CNBD1: variants seen among roughly 807,000 people sequenced by gnomAD.
CNBD1 encodes the protein cyclic nucleotide-binding domain-containing protein 1.
A neutral mutation model predicts 54.4 loss-of-function variants in CNBD1; 71 were observed. The observed-to-expected ratio is 1.30, with a 90% CI of 1.08 to 1.59. The LOEUF (loss-of-function observed/expected upper bound fraction) is 1.59. CNBD1 is among the 40% of genes most tolerant of loss of function. The pLI is 0.00. For synonymous variants in CNBD1, 182 were observed against 170.7 expected (o/e 1.07, Z -0.51); for missense variants, 659 against 518.0 (o/e 1.27, Z -2.64).
At position 86,920,487 on chromosome 8, in the gene CNBD1, C is replaced by T. The variant is rs187786109; in HGVS notation, c.272+15293C>T. Among the ~76,000 whole-genome samples the T allele has an allele frequency of 1.5e-3, 228 of 152,262 alleles. No homozygotes were observed. The Middle Eastern group carries it at 0.017, about 11-fold the overall frequency. On this transcript the variant is annotated intron_variant, in intron 3 of 10. Coordinates refer to ENST00000518476, the MANE Select transcript of CNBD1 (RefSeq NM_173538.3). The stretch of plus-strand genomic sequence containing the variant: ...GCTATGGCCACCACTATACCACCAA[C>T]ACAGAACTTAATAATTTGAACAGAG...
chr8:87,051,380 C>T (rs114842552), intron 4 of CNBD1, among the ~76,000 whole-genome samples: 1 of 152,222 alleles, frequency 6.6e-6, no homozygotes, highest in African/African-American at 2.4e-5. Context: ...GGATCTTTGC[C>T]AAGACCAGCT....
chr8:86,940,158 G>T (rs866264321), intron 4 of CNBD1, among the ~76,000 whole-genome samples: 80 of 117,606 alleles, frequency 6.8e-4, no homozygotes, highest in Admixed American at 1.1e-3. Flanking sequence ...TTTTGAGACT[G>T]TTGCTCTTGT....
intron 4 of CNBD1, among the ~76,000 whole-genome samples, chr8:87,169,602 G>C (rs1813043445): frequency 6.6e-6 from 1 of 152,032 alleles, no homozygotes; most frequent in African/African-American, 2.4e-5. Flanking sequence ...AGATTTAGGA[G>C]TCTAATTTCA....
At chr8:86,917,141 C>CA (rs997312858) in intron 3 of CNBD1, among the ~76,000 whole-genome samples, 18 of 132,042 alleles carry the variant, frequency 1.4e-4, no homozygotes, top group African/African-American at 4.7e-4. Context: ...GACTCTGTCT[C>CA]AAAAAAGAAA....
intron 4 of CNBD1, among the ~76,000 whole-genome samples, chr8:86,962,644 G>A (rs1372668625): frequency 6.6e-6 from 1 of 152,048 alleles, no homozygotes; most frequent in Non-Finnish European, 1.5e-5. Context: ...AACTTAGCTG[G>A]GTGTGATGGC....
At chr8:87,002,925 T>C (rs540070420) in intron 4 of CNBD1, among the ~76,000 whole-genome samples, 1 of 152,184 alleles carries the variant, frequency 6.6e-6, no homozygotes, top group Non-Finnish European at 1.5e-5. Flanking sequence ...TGTAAAAAAA[T>C]ATTTATTGAC....
chr8:87,261,580 A>G (rs1808141818), intron 6 of CNBD1, among the ~76,000 whole-genome samples: 1 of 151,650 alleles, frequency 6.6e-6, no homozygotes, highest in Admixed American at 6.6e-5. Flanking sequence ...GCAGTGAGGT[A>G]CAGAAACAAC....
At chr8:87,120,925 T>C (rs1811876783) in intron 4 of CNBD1, among the ~76,000 whole-genome samples, 1 of 151,998 alleles carries the variant, frequency 6.6e-6, no homozygotes, top group East Asian at 1.9e-4. Context: ...GGCACATACA[T>C]CAGTTGGCAA....
chr8:87,051,033 TAAAG>T lies in CNBD1; in HGVS notation c.431+111281_431+111284del, dbSNP rs534400360. ...AATATTGGTTTCCACTAAGAGGAGA[TAAAG>T]AGTTTGTTCTGAAGCCATTAGGATG... On this transcript the variant is annotated intron_variant, in intron 4 of 10. Transcript: ENST00000518476. Among the ~76,000 whole-genome samples, 13 of 152,272 alleles carry T rather than the reference TAAAG, an allele frequency of 8.5e-5. No homozygotes were observed. In the South Asian group the frequency reaches 2.3e-3, roughly 27 times the overall value.
At chr8:87,381,283 A>C (rs528350408) in intron 10 of CNBD1, among the ~76,000 whole-genome samples, 2 of 152,208 alleles carry the variant, frequency 1.3e-5, no homozygotes, top group East Asian at 3.9e-4. Context: ...GTATTTTTAA[A>C]ATGTCCAATG....
intron 2 of CNBD1, among the ~76,000 whole-genome samples, chr8:87,395,725 T>G (rs1320678074): frequency 3.9e-5 from 6 of 151,942 alleles, no homozygotes; most frequent in Admixed American, 2.6e-4. Context: ...TGATATGGTA[T>G]GGCTGTATCC....
At chr8:87,251,606 A>AG in intron 6 of CNBD1, among the ~76,000 whole-genome samples, 1 of 151,508 alleles carries the variant, frequency 6.6e-6, no homozygotes, top group Non-Finnish European at 1.5e-5. Flanking sequence ...AAAAAAAAAA[A>AG]AAAAGAACAA....
chr8:87,304,246 A>T (rs1343659953), intron 8 of CNBD1, among the ~76,000 whole-genome samples: 1 of 152,070 alleles, frequency 6.6e-6, no homozygotes, highest in Non-Finnish European at 1.5e-5. Context: ...CAAATGTCCA[A>T]CAATGATAGA....
chr8:87,390,566 G>A (rs747962218), intron 2 of CNBD1, among the ~76,000 whole-genome samples: 15 of 152,114 alleles, frequency 9.9e-5, no homozygotes, highest in Admixed American at 8.5e-4. Flanking sequence ...AGTTAGAATG[G>A]CGATCATTAA....
chr8:87,158,690 G>T (rs2130756852), intron 4 of CNBD1, among the ~76,000 whole-genome samples: 1 of 152,228 alleles, frequency 6.6e-6, no homozygotes, highest in South Asian at 2.1e-4. Flanking sequence ...TGGTCTTACA[G>T]CAAAGTAATG....
intron 5 of CNBD1, among the ~76,000 whole-genome samples, chr8:87,211,704 C>T (rs889681989): frequency 2.0e-5 from 3 of 152,142 alleles, no homozygotes; most frequent in African/African-American, 7.2e-5. Flanking sequence ...TTGAGGCTTC[C>T]TCAGAAGCTG....
intron 2 of CNBD1, among the ~76,000 whole-genome samples, chr8:87,388,885 C>T (rs190532248): frequency 8.5e-5 from 13 of 152,270 alleles, no homozygotes; most frequent in Admixed American, 7.9e-4. Context: ...AGCAGCACAT[C>T]AAAAAGCTTA....
intron 3 of CNBD1, among the ~76,000 whole-genome samples, chr8:86,909,581 G>T (rs753651527): frequency 6.6e-6 from 1 of 151,946 alleles, no homozygotes; most frequent in African/African-American, 2.4e-5. Flanking sequence ...CAACGTGCAG[G>T]TTTGTTACAT....
chr8:87,215,604 A>T (rs899361167), intron 5 of CNBD1, among the ~76,000 whole-genome samples: 3 of 151,718 alleles, frequency 2.0e-5, no homozygotes, highest in African/African-American at 7.3e-5. Flanking sequence ...AAAAAAAAAA[A>T]GAGTTTCTTT....
Sources: gnomAD v4.1 joint callset for allele counts (sites outside exome capture counted in the v4.1 genomes callset) on GRCh38, gnomAD v4.1.1 for gene constraint, MANE v1.5 for transcripts, NCBI Gene and HGNC (gene_info 2026-07-23, HGNC 2026-07-21) for gene names.